PSD3: variants seen among roughly 807,000 people sequenced by gnomAD.
The protein encoded by PSD3 is PH and SEC7 domain-containing protein 3.
A neutral mutation model predicts 105.5 loss-of-function variants in PSD3; 49 were observed. The ratio of observed to expected loss-of-function variants is 0.46; its 90% CI spans 0.37 to 0.59. The LOEUF (loss-of-function observed/expected upper bound fraction) is 0.59, where lower values mean the gene tolerates loss of function less well. Ranked by LOEUF, PSD3 falls within the 20% of genes least tolerant of loss-of-function variation. PSD3 has a pLI of 0.00. For synonymous variants in PSD3, 557 were observed against 457.8 expected, an observed-to-expected ratio of 1.22 and a Z score of -2.77; for missense variants, 1,561 against 1,263.8, an observed-to-expected ratio of 1.24 and a Z score of -3.57.
chr8:18,558,220 T>A (rs1014751370), intron 14 of PSD3, among the ~76,000 whole-genome samples: 1 of 152,252 alleles, frequency 6.6e-6, no homozygotes, highest in Non-Finnish European at 1.5e-5. Context: ...TAGTTTTTAT[T>A]TCTTTCAAAG....
chr8:19,055,652 G>A (rs1172166770), intron 1 of PSD3, among the ~76,000 whole-genome samples: 1 of 152,226 alleles, frequency 6.6e-6, no homozygotes, highest in African/African-American at 2.4e-5. Flanking sequence ...TAGGCAAAAG[G>A]TTTAGAAAGG....
chr8:18,636,906 G>A (rs886553066), intron 10 of PSD3, among the ~76,000 whole-genome samples: 5 of 152,154 alleles, frequency 3.3e-5, no homozygotes, highest in African/African-American at 9.7e-5. Context: ...ATGTATGACT[G>A]TATATATAAG....
intron 9 of PSD3, among the ~76,000 whole-genome samples, chr8:18,718,714 CAT>C (rs1802756794): frequency 6.6e-6 from 1 of 151,956 alleles, no homozygotes; most frequent in Non-Finnish European, 1.5e-5. Flanking sequence ...TAGGAGATGA[CAT>C]ATGGTACAAG....
At chr8:18,649,484 A>G (rs577806392) in intron 10 of PSD3, among the ~76,000 whole-genome samples, 3 of 152,170 alleles carry the variant, frequency 2.0e-5, no homozygotes, top group Admixed American at 2.0e-4. Flanking sequence ...GTATCTTGGG[A>G]GCAACTAATT....
chr8:18,676,901 G>A (rs912715399), intron 9 of PSD3, among the ~76,000 whole-genome samples: 2 of 152,186 alleles, frequency 1.3e-5, no homozygotes, highest in African/African-American at 4.8e-5. Context: ...AATCTGCTCG[G>A]CTCCATGTTA....
Position 18,808,512 on chromosome 8 carries a change from A to T in PSD3, c.1635-3614T>A, listed in dbSNP as rs548485664. On this transcript the variant is annotated intron_variant, in intron 4 of 15. Coordinates refer to ENST00000327040, the MANE Select transcript of PSD3 (RefSeq NM_015310.4). ...TCTACTATGCTGCCCAGTCCAGATGATTTCACCTAATTTTCCTCACATTCA... is the reference window on the plus strand; with the variant it reads ...TCTACTATGCTGCCCAGTCCAGATGTTTTCACCTAATTTTCCTCACATTCA... Among the ~76,000 whole-genome samples the T allele has an allele frequency of 1.5e-4, 23 of 152,200 alleles. No individual in the cohort carries two copies. In the South Asian group the frequency reaches 4.8e-3, roughly 32 times the overall value.
intron 1 of PSD3, among the ~76,000 whole-genome samples, chr8:18,968,871 A>AC (rs1234170869): frequency 1.5e-4 from 20 of 130,966 alleles, no homozygotes; most frequent in Non-Finnish European, 2.2e-4. Context: ...GCAAAAAAAA[A>AC]ATGTCTCCAA....
chr8:18,708,139 A>G (rs550576884), intron 9 of PSD3, among the ~76,000 whole-genome samples: 1 of 152,238 alleles, frequency 6.6e-6, no homozygotes, highest in Non-Finnish European at 1.5e-5. Flanking sequence ...AATCCTGACT[A>G]ATTTACAGTT....
intron 1 of PSD3, among the ~76,000 whole-genome samples, chr8:18,938,212 T>C (rs750831010): frequency 8.5e-5 from 13 of 152,194 alleles, no homozygotes; most frequent in Admixed American, 2.6e-4. Flanking sequence ...AGCAGAGATA[T>C]CAGCTAGAAA....
intron 9 of PSD3, among the ~76,000 whole-genome samples, chr8:18,706,794 G>A (rs1801930246): frequency 6.6e-6 from 1 of 152,158 alleles, no homozygotes; most frequent in Non-Finnish European, 1.5e-5. Flanking sequence ...CCTTTGTCCT[G>A]ATGCCACACC....
intron 1 of PSD3, among the ~76,000 whole-genome samples, chr8:19,080,078 T>C (rs1485025635): frequency 6.6e-6 from 1 of 152,086 alleles, no homozygotes; most frequent in Non-Finnish European, 1.5e-5. Context: ...CTAGTAGAAA[T>C]GGGGTTTCAC....
intron 12 of PSD3, among the ~76,000 whole-genome samples, chr8:18,588,788 C>T (rs1803380607): frequency 6.6e-6 from 1 of 152,144 alleles, no homozygotes; most frequent in African/African-American, 2.4e-5. Flanking sequence ...GACTCAAACT[C>T]CCAATACATT....
chr8:18,819,418 A>T (rs1440724972), intron 4 of PSD3, among the ~76,000 whole-genome samples: 1 of 152,030 alleles, frequency 6.6e-6, no homozygotes, highest in African/African-American at 2.4e-5. Flanking sequence ...TACTCAATAG[A>T]AACAAAAAAA....
chr8:18,865,200 C>A (rs1449235178), intron 4 of PSD3: 1 of 116,936 alleles, frequency 8.6e-6, no homozygotes, highest in Non-Finnish European at 1.7e-5. Flanking sequence ...AGATATCCCA[C>A]CAAACTGGAA....
chr8:18,773,932 G>C (rs1205661231), intron 8 of PSD3, among the ~76,000 whole-genome samples: 1 of 152,044 alleles, frequency 6.6e-6, no homozygotes, highest in Non-Finnish European at 1.5e-5. Context: ...GTATTTTGTA[G>C]TTTCACTTGA....
intron 1 of PSD3, among the ~76,000 whole-genome samples, chr8:18,956,689 A>C (rs554330443): frequency 3.2e-4 from 48 of 152,292 alleles, no homozygotes; most frequent in African/African-American, 1.1e-3. Context: ...AGTTTTGGTA[A>C]ATATAGCACA....
Position 18,907,631 on chromosome 8 carries a change from G to C in PSD3, c.130+28403C>G, listed in dbSNP as rs116408713. 2.8e-3 allele frequency among the ~76,000 whole-genome samples: 427 copies of C among 152,292 alleles called. 4 individuals carry two copies. Among genetic ancestry groups the C allele is most frequent in the African/African-American group, 9.5e-3 (396 of 41,554 alleles). The stretch of plus-strand genomic sequence containing the variant: ...TAGGAGCAATAAGCTATACCATATA[G>C]CCTAGGTGTGTCTCATATACCATAT... On this transcript the variant is annotated intron_variant, in intron 2 of 15. Coordinates refer to ENST00000327040, the MANE Select transcript of PSD3 (RefSeq NM_015310.4).
chr8:18,811,170 C>T (rs954821491), intron 4 of PSD3, among the ~76,000 whole-genome samples: 2 of 152,094 alleles, frequency 1.3e-5, no homozygotes, highest in African/African-American at 2.4e-5. Flanking sequence ...GGGCTTCTTC[C>T]TAGGGATTGA....
At chr8:18,899,529 T>G (rs959882779) in intron 2 of PSD3, among the ~76,000 whole-genome samples, 1 of 152,042 alleles carries the variant, frequency 6.6e-6, no homozygotes, top group Non-Finnish European at 1.5e-5. Context: ...AAACACTGTG[T>G]GTAGTGAGCC....
Sources: gnomAD v4.1 joint callset for allele counts (sites outside exome capture counted in the v4.1 genomes callset) on GRCh38, gnomAD v4.1.1 for gene constraint, MANE v1.5 for transcripts, NCBI Gene and HGNC (gene_info 2026-07-23, HGNC 2026-07-21) for gene names.